Variants in SAXO2 observed in about 807,000 individuals in gnomAD.
SAXO2 encodes family with sequence similarity 154, member B.
In SAXO2, 17 loss-of-function variants were observed where a neutral mutation model predicts 18.7. The ratio of observed to expected loss-of-function variants is 0.91; its 90% CI spans 0.62 to 1.36. The LOEUF is 1.36. Among genes scored for constraint, SAXO2 ranks in the 40% most tolerant of loss-of-function variants. SAXO2 has a pLI of 0.00. For synonymous variants in SAXO2, 163 were observed against 181.2 expected (o/e 0.90, Z 0.81); for missense variants, 486 against 562.6 (o/e 0.86, Z 1.38).
At chr15:82,277,354 G>C (rs187279910) in intron 3 of SAXO2, among the ~76,000 whole-genome samples, 3 of 151,908 alleles carry the variant, frequency 2.0e-5, no homozygotes, top group Admixed American at 2.0e-4. Context: ...ACATTAAAAA[G>C]ATATTATTTT....
At chr15:82,271,853 C>T (rs1464986065) in intron 3 of SAXO2, 51 bp downstream of exon 3, 1 of 1,435,718 alleles carries the variant, frequency 7.0e-7, no homozygotes, top group African/African-American at 1.4e-5. Flanking sequence ...AACTCACTTC[C>T]AGCTTTAACA....
chr15:82,281,376 A>C (rs1259816126), intron 3 of SAXO2, among the ~76,000 whole-genome samples: 1 of 152,118 alleles, frequency 6.6e-6, no homozygotes, highest in Non-Finnish European at 1.5e-5. Context: ...TTAACTTCCA[A>C]ACCCCAGATC....
At chr15:82,271,172 A>G (rs1281836349) in intron 2 of SAXO2, among the ~76,000 whole-genome samples, 1 of 152,246 alleles carries the variant, frequency 6.6e-6, no homozygotes. Flanking sequence ...AAGTATGCCA[A>G]AATAGTTTGC....
intron 2 of SAXO2, among the ~76,000 whole-genome samples, chr15:82,269,510 T>C (rs1430356118): frequency 2.0e-5 from 3 of 152,314 alleles, no homozygotes; most frequent in South Asian, 4.1e-4. Context: ...GCAGAGCCTT[T>C]AAACCATGTT....
intron 2 of SAXO2, among the ~76,000 whole-genome samples, chr15:82,269,096 C>T (rs2075246511): frequency 6.6e-6 from 1 of 152,170 alleles, no homozygotes; most frequent in African/African-American, 2.4e-5. Context: ...ATTTATTAAG[C>T]ATGAAGCACT....
chr15:82,274,825 A>G (rs1251067598), intron 3 of SAXO2, among the ~76,000 whole-genome samples: 1 of 152,050 alleles, frequency 6.6e-6, no homozygotes, highest in Non-Finnish European at 1.5e-5. Flanking sequence ...TACATCAAAA[A>G]GATAGAAATA....
chr15:82,277,178 T>C (rs2075322501), intron 3 of SAXO2, among the ~76,000 whole-genome samples: 1 of 152,024 alleles, frequency 6.6e-6, no homozygotes, highest in Non-Finnish European at 1.5e-5. Context: ...ATAATACAAA[T>C]GCCATTTATT....
At chr15:82,272,135 C>A (rs116969280) in intron 3 of SAXO2, 3,729 of 232,774 alleles carry the variant, frequency 0.016, 43 homozygotes, top group Middle Eastern at 0.022. Context: ...TTGTTCTTTT[C>A]TTCCCATCCT....
At chr15:82,269,077 T>A (rs2075246323) in intron 2 of SAXO2, among the ~76,000 whole-genome samples, 1 of 152,148 alleles carries the variant, frequency 6.6e-6, no homozygotes, top group Non-Finnish European at 1.5e-5. Flanking sequence ...AAATAAAAAA[T>A]TATTAAGCAT....
intron 3 of SAXO2, among the ~76,000 whole-genome samples, chr15:82,278,541 C>T (rs985118049): frequency 6.6e-6 from 1 of 152,212 alleles, no homozygotes; most frequent in African/African-American, 2.4e-5. Context: ...CTGAACGACA[C>T]TATCAACAAT....
intron 3 of SAXO2, among the ~76,000 whole-genome samples, chr15:82,278,358 A>G (rs1386362820): frequency 6.6e-6 from 1 of 152,084 alleles, no homozygotes; most frequent in African/African-American, 2.4e-5. Flanking sequence ...ACCACCACAC[A>G]CCCGCTTTCC....
rs2075208993 is a variant in SAXO2 at position 82,265,583 on chromosome 15, C to G, written c.68C>G (p.Pro23Arg). The G allele has an allele frequency of 7.4e-7, 1 of 1,355,948 alleles. No individual in the cohort carries two copies. The highest frequency in any genetic ancestry group is 9.5e-7 in the Non-Finnish European group (1 of 1,055,720). The allele number at this position is 1,355,948 out of a possible 1,614,324, so 84.0% of individuals were successfully genotyped here. The change falls in exon 2 of 4, where the codon CCA becomes CGA. Residue 23 changes from proline to arginine, a missense_variant. Physicochemically the swap from Pro to Arg is moderately radical, Grantham distance 103 (BLOSUM62 -2). Transcript: ENST00000682753. Reference protein sequence around the residue: ...QICSCGRHHCPRGTTRIYENS... With the variant: ...QICSCGRHHCRRGTTRIYENS... ...TTTTTGCACAGGCGACATCATTGTC[C>G]ACGTGGAACCACAAGGATTTATGAA... is the stretch of plus-strand genomic sequence containing the variant.
chr15:82,279,542 G>C (rs2141378579), intron 3 of SAXO2, among the ~76,000 whole-genome samples: 1 of 152,250 alleles, frequency 6.6e-6, no homozygotes, highest in Non-Finnish European at 1.5e-5. Context: ...CTAGTAGGTG[G>C]ATAAATATGT....
At chr15:82,265,971 T>C (rs1049028893) in intron 2 of SAXO2, among the ~76,000 whole-genome samples, 3 of 152,086 alleles carry the variant, frequency 2.0e-5, no homozygotes, top group Admixed American at 6.5e-5. Flanking sequence ...TAAAAAGTTC[T>C]ATTTTTTTTT....
chr15:82,283,100 T>A lies in SAXO2; in HGVS notation c.*38T>A. 7.5e-7 allele frequency: 1 copy of A among 1,335,714 alleles called. No individual in the cohort carries two copies. 82.7% of individuals were successfully genotyped at this position (1,335,714 alleles called of 1,614,324 possible). A position where few individuals can be genotyped will look rare whatever the true frequency, so the allele number is the denominator to read the frequency against. ...GCTTAAAAGGAAGGTACTAGCAAGT[T>A]GTTGTTTTTCCAAGAGAAAACTCAA... On this transcript the variant is annotated 3_prime_UTR_variant, in exon 4 of 4. Transcript: ENST00000682753.
chr15:82,277,610 G>T (rs897116341), intron 3 of SAXO2, among the ~76,000 whole-genome samples: 1 of 152,120 alleles, frequency 6.6e-6, no homozygotes, highest in African/African-American at 2.4e-5. Context: ...ATAAGAAAAA[G>T]CCAGATAATC....
intron 3 of SAXO2, among the ~76,000 whole-genome samples, chr15:82,280,482 C>T (rs903758891): frequency 6.6e-6 from 1 of 151,952 alleles, no homozygotes; most frequent in Non-Finnish European, 1.5e-5. Context: ...GAGATTCCCT[C>T]ATGGTACCTC....
rs1406539126 is a variant in SAXO2, at chr15:82,276,412, A to G, written c.433+4610A>G. 2.6e-5 allele frequency among the ~76,000 whole-genome samples: 4 copies of G among 152,304 alleles called. No individual in the cohort carries two copies. In the East Asian group the frequency reaches 7.7e-4, roughly 29 times the overall value. On this transcript the variant is annotated intron_variant, in intron 3 of 3. Coordinates refer to ENST00000682753, the MANE Select transcript of SAXO2 (RefSeq NM_001348699.2). ...CTGAATAGCCAAGGCAATCCTAAAC[A>G]AAAAGAATAAAACCAGAGGCATTAC...
At chr15:82,274,181 G>C (rs924946876) in intron 3 of SAXO2, among the ~76,000 whole-genome samples, 13 of 151,920 alleles carry the variant, frequency 8.6e-5, no homozygotes, top group African/African-American at 3.1e-4. Context: ...CCATGACCTG[G>C]GTTTCCTGTA....
Sources: gnomAD v4.1 joint callset for allele counts (sites outside exome capture counted in the v4.1 genomes callset) on GRCh38, gnomAD v4.1.1 for gene constraint, MANE v1.5 for transcripts, NCBI Gene and HGNC (gene_info 2026-07-23, HGNC 2026-07-21) for gene names.